RARB: variants seen among roughly 807,000 people sequenced by gnomAD.
RARB encodes the protein HBV-activated protein.
Under a neutral mutation model 51.9 loss-of-function variants are expected in RARB, and 17 were observed. The observed-to-expected ratio is 0.33, with a 90% CI of 0.22 to 0.49. The LOEUF (loss-of-function observed/expected upper bound fraction) is 0.49, where lower values mean the gene tolerates loss of function less well. Ranked by LOEUF, RARB falls within the 20% of genes least tolerant of loss-of-function variation. The pLI is 0.99. For missense variants in RARB, 369 were observed against 550.8 expected (o/e 0.67, Z 3.30); for synonymous variants, 215 against 195.4 (o/e 1.10, Z -0.84).
At chr3:25,393,309 G>A (rs1050238707) in intron 5 of RARB, among the ~76,000 whole-genome samples, 1 of 150,676 alleles carries the variant, frequency 6.6e-6, no homozygotes, top group African/African-American at 2.4e-5. Context: ...TTTTTTCTTT[G>A]AGGATTTTTG....
At chr3:25,174,392 C>T (rs1255961578) in exon 5 of RARB, 11 of 1,351,838 alleles carry the variant, frequency 8.1e-6, no homozygotes, top group South Asian at 3.4e-5. Context: ...CTGTGAGGCC[C>T]GAAACATGAC....
At position 25,080,420 on chromosome 3, in the gene RARB, T is replaced by C. The variant is rs545317059; in HGVS notation, c.-328+20244T>C. 3.9e-5 allele frequency among the ~76,000 whole-genome samples: 6 copies of C among 152,350 alleles called. No individual in the cohort carries two copies. The South Asian group carries it at 1.2e-3, about 32-fold the overall frequency. On this transcript the variant is annotated intron_variant, in intron 3 of 11. Coordinates refer to the RARB transcript ENST00000383772. ...TTGAACAAGTACCTGTTTATGTCCC[T>C]GCTCTCAACTGTTAAAGTAGAATGG...
chr3:24,878,362 A>ATT (rs34694855), intron 2 of RARB, among the ~76,000 whole-genome samples: 8 of 147,132 alleles, frequency 5.4e-5, no homozygotes, highest in East Asian at 4.0e-4. Flanking sequence ...CCAAGTTGTG[A>ATT]TTTTTTTTTT....
At chr3:25,411,965 G>A (rs984072220) in intron 5 of RARB, among the ~76,000 whole-genome samples, 1 of 152,152 alleles carries the variant, frequency 6.6e-6, no homozygotes, top group Non-Finnish European at 1.5e-5. Flanking sequence ...CTGACGTTGG[G>A]GAAATGGAAA....
At chr3:25,208,177 C>G (rs67854203) in intron 5 of RARB, among the ~76,000 whole-genome samples, 4 of 152,048 alleles carry the variant, frequency 2.6e-5, no homozygotes, top group African/African-American at 7.2e-5. Context: ...TAGGCCTTAC[C>G]GCCAACACTG....
At chr3:25,046,261 A>G (rs1386344088) in intron 2 of RARB, among the ~76,000 whole-genome samples, 4 of 152,194 alleles carry the variant, frequency 2.6e-5, no homozygotes, top group African/African-American at 9.7e-5. Flanking sequence ...ATTTTCTTGC[A>G]TATGCCTTTG....
intron 5 of RARB, among the ~76,000 whole-genome samples, chr3:25,249,881 A>G (rs1354354383): frequency 6.6e-6 from 1 of 152,170 alleles, no homozygotes; most frequent in African/African-American, 2.4e-5. Flanking sequence ...TTGGGGCCCC[A>G]GGGCGGCATA....
intron 2 of RARB, among the ~76,000 whole-genome samples, chr3:24,910,915 T>C (rs899669499): frequency 6.6e-6 from 1 of 152,196 alleles, no homozygotes; most frequent in African/African-American, 2.4e-5. Flanking sequence ...GAAAAGGAAC[T>C]AGATTTTATG....
chr3:25,080,952 T>C (rs1397688012), intron 3 of RARB, among the ~76,000 whole-genome samples: 1 of 152,088 alleles, frequency 6.6e-6, no homozygotes, highest in African/African-American at 2.4e-5. Flanking sequence ...ACTTTTGATT[T>C]TGTTGATGTT....
At chr3:25,106,634 CA>C (rs1160475140) in intron 3 of RARB, among the ~76,000 whole-genome samples, 1 of 131,756 alleles carries the variant, frequency 7.6e-6, no homozygotes, top group African/African-American at 2.9e-5. Flanking sequence ...CTAAATGAAT[CA>C]ATCCCTTAGG....
chr3:25,415,946 C>T (rs925588544), intron 5 of RARB, among the ~76,000 whole-genome samples: 1 of 152,072 alleles, frequency 6.6e-6, no homozygotes, highest in African/African-American at 2.4e-5. Context: ...TAGATACATG[C>T]CAGGTAGGGT....
intron 3 of RARB, among the ~76,000 whole-genome samples, chr3:25,530,617 A>C (rs1698861776): frequency 6.6e-6 from 1 of 152,196 alleles, no homozygotes; most frequent in Non-Finnish European, 1.5e-5. Flanking sequence ...CTCTGATTGT[A>C]ACTCTTCAGG....
rs1708075796 is a variant in RARB at position 25,428,621 on chromosome 3, A to T, written c.-111A>T. 21 of 1,444,392 alleles carry T rather than the reference A, an allele frequency of 1.5e-5. No homozygotes were observed. Among genetic ancestry groups the T allele is most frequent in the Non-Finnish European group, 1.8e-5 (20 of 1,089,090 alleles). The allele number at this position is 1,444,392 out of a possible 1,614,324, so 89.5% of individuals were successfully genotyped here. A position where few individuals can be genotyped will look rare whatever the true frequency, so the allele number is the denominator to read the frequency against. On this transcript the variant is annotated 5_prime_UTR_variant, in exon 1 of 8. Transcript: ENST00000330688. ...GGGCTGGGAAAAAGACCAACAGCCT[A>T]CGTGCCAAAAAAGGGGCAGAGTTTG... is the stretch of plus-strand genomic sequence containing the variant.
intron 5 of RARB, among the ~76,000 whole-genome samples, chr3:25,186,299 T>G (rs1172855212): frequency 6.6e-6 from 1 of 152,140 alleles, no homozygotes; most frequent in African/African-American, 2.4e-5. Flanking sequence ...CAATACCAAG[T>G]ATTAGAAAGA....
chr3:25,322,546 T>A (rs1343238956), intron 5 of RARB, among the ~76,000 whole-genome samples: 1 of 152,186 alleles, frequency 6.6e-6, no homozygotes, highest in African/African-American at 2.4e-5. Flanking sequence ...TCCAAATAGA[T>A]CCCTAATACT....
intron 5 of RARB, among the ~76,000 whole-genome samples, chr3:25,313,004 G>T (rs1292579007): frequency 6.6e-6 from 1 of 152,214 alleles, no homozygotes; most frequent in Non-Finnish European, 1.5e-5. Context: ...TCTGGAGGCA[G>T]CATCCTGGCT....
chr3:25,583,222 T>C (rs1701253612), intron 5 of RARB, among the ~76,000 whole-genome samples: 1 of 152,232 alleles, frequency 6.6e-6, no homozygotes, highest in Non-Finnish European at 1.5e-5. Context: ...CACAAGATCC[T>C]GAAAGTACGC....
At chr3:24,865,712 A>G (rs781085229) in intron 2 of RARB, among the ~76,000 whole-genome samples, 4 of 152,204 alleles carry the variant, frequency 2.6e-5, no homozygotes, top group Non-Finnish European at 5.9e-5. Flanking sequence ...AAGTGAATAC[A>G]AACACAATTT....
chr3:25,229,039 C>T (rs918758868), intron 5 of RARB, among the ~76,000 whole-genome samples: 1 of 152,092 alleles, frequency 6.6e-6, no homozygotes. Context: ...AGTCTTCACT[C>T]TTCTAAGGGA....
Sources: gnomAD v4.1 joint callset for allele counts (sites outside exome capture counted in the v4.1 genomes callset) on GRCh38, gnomAD v4.1.1 for gene constraint, MANE v1.5 for transcripts, NCBI Gene and HGNC (gene_info 2026-07-23, HGNC 2026-07-21) for gene names.